The following APLF variants were observed in gnomAD, a reference collection of about 807,000 sequenced individuals.
APLF encodes aprataxin and PNK-like factor.
APLF carries 61 observed loss-of-function variants against 55.6 expected under a neutral mutation model. The ratio of observed to expected loss-of-function variants is 1.10; its 90% confidence interval spans 0.89 to 1.36. The LOEUF (loss-of-function observed/expected upper bound fraction) is 1.36, where lower values mean the gene tolerates loss of function less well. Ranked by LOEUF, APLF falls within the 40% of genes most tolerant of loss-of-function variation. The pLI, the probability that APLF is intolerant of heterozygous loss-of-function variation, is 0.00. For synonymous variants in APLF, 207 were observed against 214.8 expected (o/e 0.96, Z 0.32); for missense variants, 611 against 602.5 (o/e 1.01, Z -0.15).
chr2:68,474,968 A>G lies in APLF; in HGVS notation c.96+7141A>G, dbSNP rs369296374. Among the ~76,000 whole-genome samples, 991 of 152,344 alleles carry G rather than the reference A, an allele frequency of 6.5e-3. 7 individuals are homozygous for G. The highest frequency in any genetic ancestry group is 0.023 in the African/African-American group (944 of 41,568). On this transcript the variant is annotated intron_variant, in intron 1 of 9. Transcript: ENST00000303795. ...CAGGCGTGAGCCTCCGCGCCTGGGT[A>G]GTATCTGTATTTTTAAAAGCTCTGA...
chr2:68,473,492 G>A (rs1437411073), intron 1 of APLF, among the ~76,000 whole-genome samples: 1 of 152,116 alleles, frequency 6.6e-6, no homozygotes, highest in Non-Finnish European at 1.5e-5. Flanking sequence ...GTGAACGTAG[G>A]TCTTCAACTC....
chr2:68,576,908 G>T (rs1671640249), intron 9 of APLF, among the ~76,000 whole-genome samples: 1 of 152,036 alleles, frequency 6.6e-6, no homozygotes, highest in South Asian at 2.1e-4. Flanking sequence ...CTTCCTAATT[G>T]TTTCTTAAAT....
intron 8 of APLF, among the ~76,000 whole-genome samples, chr2:68,549,633 A>G (rs1670801847): frequency 6.6e-6 from 1 of 152,120 alleles, no homozygotes; most frequent in African/African-American, 2.4e-5. Flanking sequence ...GCTGGAAGTA[A>G]GGTTTTATAA....
At chr2:68,508,744 A>G (rs1290252661) in intron 3 of APLF, among the ~76,000 whole-genome samples, 1 of 152,094 alleles carries the variant, frequency 6.6e-6, no homozygotes, top group African/African-American at 2.4e-5. Context: ...TGGAAACAAA[A>G]AAGAGCCCAC....
chr2:68,545,165 A>G (rs745912076), intron 7 of APLF, 22 bp from the exon 8 acceptor site: 1 of 1,600,492 alleles, frequency 6.2e-7, no homozygotes, highest in South Asian at 1.1e-5. Context: ...TTTTTCTGAC[A>G]GTATATTTGT....
intron 3 of APLF, among the ~76,000 whole-genome samples, chr2:68,506,686 G>A (rs998728294): frequency 6.6e-6 from 1 of 151,958 alleles, no homozygotes; most frequent in Non-Finnish European, 1.5e-5. Context: ...CAAGCCAGCT[G>A]TTTCCAGAGT....
chr2:68,493,550 A>C (rs1307176181), intron 2 of APLF, among the ~76,000 whole-genome samples: 1 of 152,230 alleles, frequency 6.6e-6, no homozygotes, highest in Non-Finnish European at 1.5e-5. Context: ...AAAAGACACT[A>C]TAATGAAAAT....
chr2:68,482,402 G>A (rs1187333339), intron 1 of APLF, among the ~76,000 whole-genome samples: 1 of 152,146 alleles, frequency 6.6e-6, no homozygotes, highest in Non-Finnish European at 1.5e-5. Flanking sequence ...CTAGGCTGTG[G>A]AAGTGTGTGG....
At chr2:68,477,212 A>C (rs535564355) in intron 1 of APLF, among the ~76,000 whole-genome samples, 9 of 152,326 alleles carry the variant, frequency 5.9e-5, no homozygotes, top group African/African-American at 1.9e-4. Flanking sequence ...TTCTGTAATA[A>C]TTTCTAGCCA....
chr2:68,540,991 G>A (rs1046534864), intron 7 of APLF, among the ~76,000 whole-genome samples: 10 of 152,144 alleles, frequency 6.6e-5, no homozygotes, highest in Admixed American at 1.3e-4. Flanking sequence ...AGATTAAAGA[G>A]TTCAAAACCA....
rs139666607 is a variant in APLF, at chr2:68,577,882, G to A, written c.1396G>A (p.Asp466Asn). 11 of 1,613,414 alleles carry A rather than the reference G, an allele frequency of 6.8e-6. No homozygotes were observed. The East Asian group carries it at 2.2e-4, about 33-fold the overall frequency. The change falls in exon 10 of 10, where the codon GAC (aspartate) becomes AAC (asparagine). Residue 466 changes from aspartate (D) to asparagine (N), a missense_variant. Transcript: ENST00000303795. Reference sequence around the variant, plus strand: ...GCAACCCAATGAGTATGACCTGAACGACAGCTTTCTAGATGATGAGGAAGA... The same window carrying A: ...GCAACCCAATGAGTATGACCTGAACAACAGCTTTCTAGATGATGAGGAAGA... ...VGQPNEYDLN[D>N]SFLDDEEEDY...
intron 5 of APLF, among the ~76,000 whole-genome samples, chr2:68,518,534 AT>A (rs1335239117): frequency 8.7e-6 from 1 of 115,440 alleles, no homozygotes; most frequent in Non-Finnish European, 1.6e-5. Context: ...TTATATATTA[AT>A]ATATAATAAT....
intron 6 of APLF, among the ~76,000 whole-genome samples, chr2:68,537,030 T>A (rs926822641): frequency 2.6e-5 from 4 of 151,936 alleles, no homozygotes; most frequent in African/African-American, 9.7e-5. Context: ...CTGGGCATGG[T>A]AGCATGTGCC....
intron 2 of APLF, among the ~76,000 whole-genome samples, chr2:68,494,695 A>T (rs1676484537): frequency 6.6e-6 from 1 of 151,930 alleles, no homozygotes; most frequent in South Asian, 2.1e-4. Context: ...GTTGTTTCCC[A>T]CCCTGTGTCC....
intron 9 of APLF, 77 bp from the exon 10 acceptor site, chr2:68,577,743 A>T: frequency 6.5e-7 from 1 of 1,536,970 alleles, no homozygotes; most frequent in Non-Finnish European, 8.8e-7. Flanking sequence ...ATGCAGAAAG[A>T]CATTTTATAG....
At chr2:68,566,252 A>G (rs1671307713) in intron 8 of APLF, among the ~76,000 whole-genome samples, 1 of 152,126 alleles carries the variant, frequency 6.6e-6, no homozygotes, top group African/African-American at 2.4e-5. Context: ...TTAGCCTGAG[A>G]AAGAGAAGAT....
At chr2:68,488,699 T>C (rs931714634) in intron 1 of APLF, among the ~76,000 whole-genome samples, 2 of 152,060 alleles carry the variant, frequency 1.3e-5, no homozygotes, top group African/African-American at 4.8e-5. Flanking sequence ...CTACCCAAGT[T>C]ACCTAAATTC....
chr2:68,558,446 T>G (rs778304053), intron 8 of APLF, among the ~76,000 whole-genome samples: 1 of 152,196 alleles, frequency 6.6e-6, no homozygotes, highest in Admixed American at 6.5e-5. Flanking sequence ...TTTTTGATAA[T>G]GTGGGATTTA....
chr2:68,492,394 C>T (rs917129664), intron 2 of APLF, among the ~76,000 whole-genome samples: 1 of 152,126 alleles, frequency 6.6e-6, no homozygotes, highest in Non-Finnish European at 1.5e-5. Context: ...AGGAGAATGG[C>T]GTGAACCCGG....
Sources: allele counts gnomAD v4.1 joint callset (sites outside exome capture counted in the v4.1 genomes callset), GRCh38; gene constraint gnomAD v4.1.1; transcripts MANE v1.5; gene names NCBI Gene and HGNC (gene_info 2026-07-23, HGNC 2026-07-21).